SMYD3: variants seen among roughly 807,000 people sequenced by gnomAD.
SMYD3 encodes histone-lysine N-methyltransferase SMYD3.
A neutral mutation model predicts 57.7 loss-of-function variants in SMYD3; 36 were observed. The ratio of observed to expected loss-of-function variants is 0.62; its 90% CI spans 0.48 to 0.82. SMYD3 has a LOEUF of 0.82. Among genes scored for constraint, SMYD3 ranks in the 40% least tolerant of loss-of-function variants. SMYD3 has a pLI of 0.00. For synonymous variants in SMYD3, 211 were observed against 195.0 expected (o/e 1.08, Z -0.68); for missense variants, 515 against 538.8 (o/e 0.96, Z 0.44).
At chr1:246,094,842 C>T (rs2147904632) in intron 5 of SMYD3, among the ~76,000 whole-genome samples, 1 of 152,288 alleles carries the variant, frequency 6.6e-6, no homozygotes, top group Admixed American at 6.5e-5. Context: ...TCATATCTAA[C>T]CTGCATCTAA....
At chr1:245,900,790 C>A (rs911501085) in intron 8 of SMYD3, among the ~76,000 whole-genome samples, 1 of 152,172 alleles carries the variant, frequency 6.6e-6, no homozygotes, top group African/African-American at 2.4e-5. Flanking sequence ...ATTCATGGCA[C>A]CTAAGAGGAA....
chr1:245,966,739 T>C (rs1298363816), intron 5 of SMYD3, among the ~76,000 whole-genome samples: 1 of 152,172 alleles, frequency 6.6e-6, no homozygotes, highest in Admixed American at 6.5e-5. Flanking sequence ...CAACCTCTGC[T>C]GTGCCTGGTG....
intron 7 of SMYD3, 49 bp downstream of exon 7, chr1:245,927,882 G>A (rs781008447): frequency 3.4e-6 from 5 of 1,469,828 alleles, no homozygotes; most frequent in Middle Eastern, 1.8e-4. Flanking sequence ...GAGCTGAGAG[G>A]GTCTTTGATA....
At chr1:245,962,612 G>C (rs1399490158) in intron 5 of SMYD3, among the ~76,000 whole-genome samples, 1 of 152,202 alleles carries the variant, frequency 6.6e-6, no homozygotes, top group African/African-American at 2.4e-5. Flanking sequence ...ATGAGGTGAA[G>C]AGATGGAGAA....
chr1:245,984,280 A>C (rs2058659310), intron 5 of SMYD3, among the ~76,000 whole-genome samples: 1 of 152,202 alleles, frequency 6.6e-6, no homozygotes, highest in Admixed American at 6.5e-5. Context: ...TTACAGGCAT[A>C]AGCTACTGAC....
At chr1:245,925,575 T>C (rs2056313606) in intron 7 of SMYD3, among the ~76,000 whole-genome samples, 1 of 152,164 alleles carries the variant, frequency 6.6e-6, no homozygotes. Context: ...TCTCCAATGA[T>C]GCAACAATCC....
At chr1:246,158,551 C>A (rs1019285904) in intron 5 of SMYD3, among the ~76,000 whole-genome samples, 1 of 152,012 alleles carries the variant, frequency 6.6e-6, no homozygotes, top group African/African-American at 2.4e-5. Context: ...GTAAAGCATA[C>A]CTTTTTATAT....
chr1:246,030,010 T>C (rs867670947), intron 5 of SMYD3, among the ~76,000 whole-genome samples: 2,056 of 148,954 alleles, frequency 0.014, 23 homozygotes, highest in South Asian at 0.034. Flanking sequence ...TTCTTTCTTT[T>C]TTTTTTTTTT....
intron 5 of SMYD3, among the ~76,000 whole-genome samples, chr1:246,287,885 G>T (rs998414470): frequency 6.6e-6 from 1 of 151,928 alleles, no homozygotes; most frequent in Non-Finnish European, 1.5e-5. Context: ...TTTAAAATGA[G>T]GGCTGAAAAC....
intron 5 of SMYD3, among the ~76,000 whole-genome samples, chr1:246,030,474 G>A (rs550394859): frequency 6.6e-6 from 1 of 152,274 alleles, no homozygotes; most frequent in South Asian, 2.1e-4. Context: ...TACATAGAGA[G>A]GATGGAGTTT....
intron 5 of SMYD3, among the ~76,000 whole-genome samples, chr1:246,175,484 TGAAA>T (rs2062416478): frequency 6.6e-6 from 1 of 152,182 alleles, no homozygotes; most frequent in Non-Finnish European, 1.5e-5. Flanking sequence ...ACTCCAGACT[TGAAA>T]ATCCCTCTAC....
At chr1:245,811,720 T>C (rs6605251) in intron 10 of SMYD3, among the ~76,000 whole-genome samples, 151,714 of 152,332 alleles carry the variant, frequency 1, 75,552 homozygotes, top group Middle Eastern at 1. Flanking sequence ...TAATCACAAA[T>C]GGCCAATAAC....
chr1:245,945,295 C>T (rs933832545), intron 5 of SMYD3, among the ~76,000 whole-genome samples: 2 of 152,004 alleles, frequency 1.3e-5, no homozygotes, highest in African/African-American at 4.8e-5. Flanking sequence ...AGAAAACAAA[C>T]AGCCCCATTA....
At chr1:246,205,569 C>A (rs2062986572) in intron 5 of SMYD3, among the ~76,000 whole-genome samples, 1 of 152,226 alleles carries the variant, frequency 6.6e-6, no homozygotes. Context: ...CGCCTGGAAT[C>A]CCAGCACTTT....
intron 5 of SMYD3, among the ~76,000 whole-genome samples, chr1:246,231,498 A>C (rs192864945): frequency 1.3e-5 from 2 of 152,376 alleles, no homozygotes; most frequent in East Asian, 3.9e-4. Context: ...TAGTAACTAT[A>C]AACTACATAT....
intron 5 of SMYD3, among the ~76,000 whole-genome samples, chr1:246,103,962 C>T (rs1448666463): frequency 6.6e-6 from 1 of 152,166 alleles, no homozygotes; most frequent in African/African-American, 2.4e-5. Flanking sequence ...TCAGATGGGC[C>T]ATTCTTCTAT....
chr1:246,247,641 G>A (rs12411127), intron 5 of SMYD3, among the ~76,000 whole-genome samples: 31,375 of 151,514 alleles, frequency 0.21, 3,963 homozygotes, highest in East Asian at 0.58. Context: ...GGCTAGCTGC[G>A]GCTCCTGAGT....
chr1:246,233,303 T>G (rs2063450010), intron 5 of SMYD3, among the ~76,000 whole-genome samples: 1 of 124,070 alleles, frequency 8.1e-6, no homozygotes, highest in African/African-American at 3.1e-5. Context: ...CGCTCCTCAA[T>G]TCACACTGTG....
At chr1:245,926,999 G>C (rs756163275) in intron 7 of SMYD3, among the ~76,000 whole-genome samples, 17 of 152,212 alleles carry the variant, frequency 1.1e-4, no homozygotes, top group Admixed American at 3.3e-4. Context: ...TCAGTTTGGG[G>C]AGAATCTTGT....
Sources: gnomAD v4.1 joint callset for allele counts (sites outside exome capture counted in the v4.1 genomes callset) on GRCh38, gnomAD v4.1.1 for gene constraint, MANE v1.5 for transcripts, NCBI Gene and HGNC (gene_info 2026-07-23, HGNC 2026-07-21) for gene names.